The following NUP205 variants were observed in gnomAD, a reference collection of about 807,000 sequenced individuals.
NUP205 encodes the protein nucleoporin 205, also known as nuclear pore complex protein Nup205.
Under a neutral mutation model 253.8 loss-of-function variants are expected in NUP205, and 76 were observed. That is an observed-to-expected ratio of 0.30 (90% CI 0.25 to 0.36). The LOEUF (loss-of-function observed/expected upper bound fraction) is 0.36. Among genes scored for constraint, NUP205 ranks in the 10% least tolerant of loss-of-function variants. The pLI is 1.00. For synonymous variants in NUP205, 832 were observed against 850.1 expected (o/e 0.98, Z 0.37); for missense variants, 2,162 against 2,425.5 (o/e 0.89, Z 2.28).
At chr7:135,587,795 T>A (rs1424054370) in intron 9 of NUP205, 60 bp from the exon 10 acceptor site, 18 of 1,546,822 alleles carry the variant, frequency 1.2e-5, no homozygotes, top group African/African-American at 5.5e-5. Flanking sequence ...TCCTTTTTTT[T>A]ATTGAAAGTA....
chr7:135,573,612 C>T (rs1401847560), intron 2 of NUP205, 42 bp from the exon 3 acceptor site: 1 of 1,505,616 alleles, frequency 6.6e-7, no homozygotes. Flanking sequence ...ACCTTGTCTC[C>T]AGTGTGCTAT....
chr7:135,628,101 C>T lies in NUP205; in HGVS notation c.4922C>T (p.Ala1641Val). The change falls in exon 34 of 43, where the codon GCA (alanine) becomes GTA (valine). Residue 1641 changes from alanine (A) to valine (V), a missense_variant. Physicochemically the swap from Ala to Val is moderately conservative, Grantham distance 64. Around this residue, in one of 5 missense-constraint regions of NUP205, gnomAD observed 1,144 missense variants for 1,280.9 expected, o/e 0.89. Coordinates refer to ENST00000285968, the MANE Select transcript of NUP205 (RefSeq NM_015135.3). ...TCTAGTATGGCCCAGCACTTGCAGG[C>T]AGCAGGGCAGGTAAGGTGAACCCTT... ...LTSSMAQHLQAAGQVLQFLIS... is the reference protein window; with the variant it reads ...LTSSMAQHLQVAGQVLQFLIS... 1.9e-6 allele frequency: 3 copies of T among 1,608,612 alleles called. No individual in the cohort carries two copies. The South Asian group carries it at 3.3e-5, about 18-fold the overall frequency.
chr7:135,578,285 T>A (rs558174436), intron 6 of NUP205, among the ~76,000 whole-genome samples: 3 of 152,384 alleles, frequency 2.0e-5, no homozygotes, highest in Middle Eastern at 6.8e-3. Flanking sequence ...TGCACATGCC[T>A]AATTTACTTA....
At chr7:135,613,384 A>G (rs1794284786) in intron 22 of NUP205, among the ~76,000 whole-genome samples, 1 of 151,276 alleles carries the variant, frequency 6.6e-6, no homozygotes, top group Non-Finnish European at 1.5e-5. Flanking sequence ...TATTCAGTTT[A>G]TTGTTATTTA....
Position 135,617,262 on chromosome 7 carries a change from A to T in NUP205, c.3690+15A>T. The T allele has an allele frequency of 6.2e-7, 1 of 1,611,126 alleles. No individual in the cohort carries two copies. The highest frequency in any genetic ancestry group is 8.5e-7 in the Non-Finnish European group (1 of 1,178,034). On this transcript the variant is annotated intron_variant, in intron 26 of 42. Transcript: ENST00000285968. ...GCAATGTCAAGGTGAGGATTGCTTT[A>T]AAGTACATATCTGCAGTGTCAAGTG...
intron 24 of NUP205, 102 bp from the exon 25 acceptor site, chr7:135,616,553 A>G (rs1454452569): frequency 3.3e-6 from 2 of 602,460 alleles, no homozygotes; most frequent in Non-Finnish European, 5.4e-6. Context: ...ATGTAGAAAC[A>G]ATGACCTAGA....
Position 135,584,834 on chromosome 7 carries a change from C to G in NUP205, c.1045C>G (p.Leu349Val). The G allele has an allele frequency of 6.2e-7, 1 of 1,613,922 alleles. No individual in the cohort carries two copies. Among genetic ancestry groups the G allele is most frequent in the African/African-American group, 1.3e-5 (1 of 75,044 alleles). ...TGTGTTTTAAAATCTGTTTCTAGCT[C>G]TGGCAGAATTCACAGAGGCAGATGA... ...GISQLPDVTA[L>V]AEFTEADEAM... The change falls in exon 8 of 43, where the codon CTG becomes GTG. Residue 349 changes from leucine to valine, a missense_variant and splice_region_variant. By Grantham distance (32) the Leu-to-Val change is conservative. Transcript: ENST00000285968.
In NUP205 at chr7:135,557,959, G is replaced by T; in HGVS notation, c.15G>T (p.Leu5Phe). 1 of 1,613,804 alleles carries T rather than the reference G, an allele frequency of 6.2e-7. No individual in the cohort carries two copies. The highest frequency in any genetic ancestry group is 8.5e-7 in the Non-Finnish European group (1 of 1,179,674). The part of the protein sequence containing the change: MATP[L>F]AVNSAASLWG... ...GCGCCTCTAAGATGGCGACGCCTTT[G>T]GCGGTAAATTCGGGTAAGTGTGGCC... Residue 5 changes from leucine (L) to phenylalanine (F), a missense_variant, in exon 1 of 43, where the codon TTG (leucine) becomes TTT (phenylalanine). This residue lies in a region of NUP205 where 109 missense variants were observed against 131.8 expected (regional missense o/e 0.83). Coordinates refer to ENST00000285968, the MANE Select transcript of NUP205 (RefSeq NM_015135.3).
At chr7:135,590,412 C>CCAAACCATTTTTAAACCTAG (rs1228392564) in intron 10 of NUP205, among the ~76,000 whole-genome samples, 2 of 152,106 alleles carry the variant, frequency 1.3e-5, no homozygotes, top group African/African-American at 2.4e-5. Context: ...CTGTGCCCAG[C>CCAAACCATTTTTAAACCTAG]CTGCTATATT....
chr7:135,584,645 ATTTGGGGTTTGTGAGTTCT>A (rs1449776664), intron 7 of NUP205, among the ~76,000 whole-genome samples, 168 bp from the exon 8 acceptor site: 1 of 152,212 alleles, frequency 6.6e-6, no homozygotes, highest in African/African-American at 2.4e-5. Context: ...GTATATTGTT[ATTTGGGGTTTGTGAGTTCT>A]TTAGGGTTTA....
chr7:135,565,637 G>A (rs1805735294), intron 1 of NUP205, among the ~76,000 whole-genome samples: 1 of 151,954 alleles, frequency 6.6e-6, no homozygotes, highest in African/African-American at 2.4e-5. Context: ...TCTCTATGTT[G>A]ATCAGGCTGG....
Position 135,591,568 on chromosome 7 carries a change from T to C in NUP205, c.1592T>C (p.Phe531Ser). 6.2e-7 allele frequency: 1 copy of C among 1,613,604 alleles called. No homozygotes were observed. The highest frequency in any genetic ancestry group is 1.1e-5 in the South Asian group (1 of 90,904). Residue 531 changes from phenylalanine (F) to serine (S), a missense_variant, in exon 11 of 43, where the codon TTC (phenylalanine) becomes TCC (serine). Phe to Ser is a radical substitution (Grantham distance 155). Transcript: ENST00000285968. ...GGGCCTCAGTGTGCCCACTACTGTT[T>C]CAGCCTGCTCAAAGTCAATGGTAGT... is the stretch of plus-strand genomic sequence containing the variant. ...ANGPQCAHYC[F>S]SLLKVNGSSH...
chr7:135,594,443 A>G (rs1793772104), intron 12 of NUP205, 104 bp from the exon 13 acceptor site: 18 of 776,824 alleles, frequency 2.3e-5, no homozygotes, highest in Non-Finnish European at 3.7e-5. Flanking sequence ...GTATATATTA[A>G]GCCCATGAGG....
rs1806194562 is a variant in NUP205, at chr7:135,577,918, A to G, written c.771A>G (p.Thr257=). ...LLLIGHLERV[T]VEANGSLDAV... ...TCATTGGACATTTGGAAAGAGTGAC[A>G]GTTGAGGCTAATGGCTCACTGGATG... The change falls in exon 6 of 43, where the codon ACA becomes ACG. Residue 257 remains threonine, a synonymous_variant. Coordinates refer to ENST00000285968, the MANE Select transcript of NUP205 (RefSeq NM_015135.3). The G allele has an allele frequency of 6.2e-7, 1 of 1,614,072 alleles. No individual in the cohort carries two copies. Among genetic ancestry groups the G allele is most frequent in the Non-Finnish European group, 8.5e-7 (1 of 1,179,930 alleles).
At position 135,579,357 on chromosome 7, in the gene NUP205, G is replaced by GTGTATTTTTAGTAGAAATGGT. The variant is rs1163610882; in HGVS notation, c.1042+442_1042+443insTGTATTTTTAGTAGAAATGGT. On this transcript the variant is annotated intron_variant, in intron 7 of 42. Transcript: ENST00000285968. ...TTACAGGCATGCGCCACCACACCTGGCTAATTGTGTATTTTTAGTAGAAAT... is the reference window on the plus strand; with the variant it reads ...TTACAGGCATGCGCCACCACACCTGGTGTATTTTTAGTAGAAATGGTCTAATTGTGTATTTTTAGTAGAAAT... Among the ~76,000 whole-genome samples the GTGTATTTTTAGTAGAAATGGT allele has an allele frequency of 9.9e-5, 15 of 152,010 alleles. No individual in the cohort carries two copies. The East Asian group carries it at 2.9e-3, about 30-fold the overall frequency.
intron 38 of NUP205, among the ~76,000 whole-genome samples, chr7:135,639,171 G>A (rs1174735121): frequency 2.6e-5 from 4 of 151,896 alleles, no homozygotes; most frequent in African/African-American, 9.7e-5. Flanking sequence ...AGGATAATGG[G>A]TAAAGCTGTT....
chr7:135,601,068 A>C (rs887091254), intron 16 of NUP205, 99 bp downstream of exon 16: 3 of 641,082 alleles, frequency 4.7e-6, no homozygotes, highest in Admixed American at 3.3e-5. Flanking sequence ...CTTTTAAATT[A>C]GAATTTAATC....
intron 8 of NUP205, 48 bp from the exon 9 acceptor site, chr7:135,587,527 A>G (rs746756084): frequency 9.2e-7 from 1 of 1,085,770 alleles, no homozygotes; most frequent in South Asian, 1.6e-5. Flanking sequence ...TATTATTAGC[A>G]TGTACAATAC....
chr7:135,562,997 A>G (rs928760350), intron 1 of NUP205, among the ~76,000 whole-genome samples: 25 of 152,142 alleles, frequency 1.6e-4, no homozygotes, highest in African/African-American at 5.5e-4. Context: ...CCTGGAATGC[A>G]TGTCTTCACC....
Sources: allele counts gnomAD v4.1 joint callset (sites outside exome capture counted in the v4.1 genomes callset), GRCh38; gene constraint gnomAD v4.1.1; regional missense constraint gnomAD v4.1.1; transcripts MANE v1.5; gene names NCBI Gene and HGNC (gene_info 2026-07-23, HGNC 2026-07-21).